The following PSD3 variants were observed in gnomAD, a reference collection of about 807,000 sequenced individuals.
The protein encoded by PSD3 is pleckstrin and Sec7 domain containing 3, also known as PH and SEC7 domain-containing protein 3.
In PSD3, 49 loss-of-function variants were observed where a neutral mutation model predicts 105.5. The ratio of observed to expected loss-of-function variants is 0.46; its 90% CI spans 0.37 to 0.59. The LOEUF is 0.59. PSD3 is among the 20% of genes least tolerant of loss of function. PSD3 has a pLI of 0.00. For missense variants in PSD3, 1,561 were observed against 1,263.8 expected (o/e 1.24, Z -3.57); for synonymous variants, 557 against 457.8 (o/e 1.22, Z -2.77).
At chr8:18,644,069 G>A (rs762241292) in intron 10 of PSD3, among the ~76,000 whole-genome samples, 27 of 152,138 alleles carry the variant, frequency 1.8e-4, no homozygotes, top group Non-Finnish European at 3.1e-4. Context: ...TACACCTCTG[G>A]GACTGTGATG....
intron 2 of PSD3, among the ~76,000 whole-genome samples, chr8:18,888,023 A>G (rs1281460735): frequency 6.6e-6 from 1 of 152,204 alleles, no homozygotes; most frequent in Non-Finnish European, 1.5e-5. Flanking sequence ...TGGCACAACC[A>G]CGATTCAAAC....
chr8:18,836,282 C>G (rs141684793), intron 4 of PSD3, among the ~76,000 whole-genome samples: 3,103 of 152,308 alleles, frequency 0.02, 38 homozygotes, highest in Non-Finnish European at 0.033. Context: ...CAAACATGCT[C>G]AGGTGTTCCC....
chr8:19,070,751 C>T (rs902925697), intron 1 of PSD3, among the ~76,000 whole-genome samples: 1 of 152,138 alleles, frequency 6.6e-6, no homozygotes, highest in African/African-American at 2.4e-5. Context: ...GTCTTGTACA[C>T]CTCACTTTCC....
At chr8:18,616,647 G>A (rs1383945967) in intron 11 of PSD3, among the ~76,000 whole-genome samples, 2 of 54,808 alleles carry the variant, frequency 3.6e-5, no homozygotes, top group African/African-American at 5.9e-5. Context: ...TTTTTGAGAC[G>A]GAGTCTCGCT....
chr8:18,764,315 G>T (rs572535365), intron 9 of PSD3, among the ~76,000 whole-genome samples: 282 of 152,190 alleles, frequency 1.9e-3, no homozygotes, highest in Non-Finnish European at 3.5e-3. Flanking sequence ...TCTTTATCAC[G>T]TCACAATCCT....
At chr8:18,714,621 C>A (rs1277910223) in intron 9 of PSD3, among the ~76,000 whole-genome samples, 3 of 152,114 alleles carry the variant, frequency 2.0e-5, no homozygotes, top group East Asian at 3.9e-4. Flanking sequence ...ATTGCAAAGT[C>A]AAGAAACAAC....
rs542024957 is a variant in PSD3 at position 18,872,332 on chromosome 8, G to T, written c.532C>A (p.Arg178Ser). The T allele has an allele frequency of 3.2e-5, 52 of 1,614,006 alleles. No individual in the cohort carries two copies. The highest frequency in any genetic ancestry group is 4.2e-5 in the Non-Finnish European group (49 of 1,180,028). ...GTTTTGTTGACTCTCTGTGTTTTACGACTGGCAGTGTCCAGCTCTTTTTCC... is the reference window on the plus strand; with the variant it reads ...GTTTTGTTGACTCTCTGTGTTTTACTACTGGCAGTGTCCAGCTCTTTTTCC... ...QVEKELDTAS[R>S]KTQRVNKTLP... The change falls in exon 3 of 16, where the codon CGT (arginine) becomes AGT (serine). Residue 178 changes from arginine (R) to serine (S), a missense_variant. Transcript: ENST00000327040.
In PSD3 at chr8:19,031,838, A is replaced by G. The variant is rs571445343; in HGVS notation, c.324+52368T>C. The stretch of plus-strand genomic sequence containing the variant: ...GAACTAAAACAGAACTAAAAGAGGC[A>G]TTAGACATTATCTAACTCAATCTCA... On this transcript the variant is annotated intron_variant, in intron 1 of 1. Transcript: ENST00000521475. 1.4e-4 allele frequency among the ~76,000 whole-genome samples: 22 copies of G among 152,362 alleles called. No homozygotes were observed. In the East Asian group the frequency reaches 4.0e-3, roughly 28 times the overall value.
chr8:18,951,945 G>T (rs1823263662), intron 1 of PSD3, among the ~76,000 whole-genome samples: 2 of 151,862 alleles, frequency 1.3e-5, no homozygotes, highest in South Asian at 4.2e-4. Flanking sequence ...CCCCAGCCTG[G>T]GCAACAAGAG....
chr8:18,976,285 C>T (rs907205806), intron 1 of PSD3, among the ~76,000 whole-genome samples: 1 of 151,976 alleles, frequency 6.6e-6, no homozygotes, highest in Non-Finnish European at 1.5e-5. Flanking sequence ...ATACAAATGC[C>T]CAATAAAGAT....
At chr8:18,735,390 C>G (rs571639531) in intron 9 of PSD3, among the ~76,000 whole-genome samples, 2 of 152,278 alleles carry the variant, frequency 1.3e-5, no homozygotes, top group South Asian at 4.2e-4. Context: ...TACTCACAAT[C>G]AGAGTAATAC....
chr8:18,901,618 A>G (rs1377314300), intron 2 of PSD3, among the ~76,000 whole-genome samples: 1 of 151,908 alleles, frequency 6.6e-6, no homozygotes, highest in South Asian at 2.1e-4. Flanking sequence ...CTGCTCCACC[A>G]GTGAGTTTTA....
At chr8:18,928,477 G>A (rs1162553048) in intron 2 of PSD3, among the ~76,000 whole-genome samples, 1 of 152,110 alleles carries the variant, frequency 6.6e-6, no homozygotes. Flanking sequence ...CTCAAATGGT[G>A]AACAGATAAA....
intron 1 of PSD3, among the ~76,000 whole-genome samples, chr8:19,051,279 G>T (rs1438752992): frequency 2.0e-5 from 3 of 152,014 alleles, no homozygotes; most frequent in Non-Finnish European, 4.4e-5. Flanking sequence ...CTCAGTTTCA[G>T]TTCCATTATC....
chr8:19,042,727 A>T (rs1828165145), intron 1 of PSD3, among the ~76,000 whole-genome samples: 1 of 152,248 alleles, frequency 6.6e-6, no homozygotes. Flanking sequence ...ATACAATGCT[A>T]TTGAGCACAG....
At chr8:18,903,110 A>G (rs561097500) in intron 2 of PSD3, among the ~76,000 whole-genome samples, 20 of 152,260 alleles carry the variant, frequency 1.3e-4, no homozygotes, top group Admixed American at 1.1e-3. Flanking sequence ...TCTGTGACTC[A>G]GAGCTACTCC....
At chr8:18,539,547 CTTTTT>C (rs547299808) in intron 15 of PSD3, among the ~76,000 whole-genome samples, 3 of 133,836 alleles carry the variant, frequency 2.2e-5, no homozygotes, top group African/African-American at 2.8e-5. Flanking sequence ...TAGTAAATTA[CTTTTT>C]TTTTTTTTTT....
At chr8:19,015,670 T>C (rs1827157540), upstream of PSD3, among the ~76,000 whole-genome samples, 1 of 152,238 alleles carries the variant, frequency 6.6e-6, no homozygotes. Context: ...ATATTTCTAG[T>C]TAAGGGACTT....
intron 2 of PSD3, among the ~76,000 whole-genome samples, chr8:18,925,251 CG>C (rs1443983409): frequency 6.6e-6 from 1 of 152,044 alleles, no homozygotes; most frequent in Non-Finnish European, 1.5e-5. Flanking sequence ...AAAAGTCAGC[CG>C]GGCATGGTGG....
Sources: allele counts gnomAD v4.1 joint callset (sites outside exome capture counted in the v4.1 genomes callset), GRCh38; gene constraint gnomAD v4.1.1; transcripts MANE v1.5; gene names NCBI Gene and HGNC (gene_info 2026-07-23, HGNC 2026-07-21).